The following TNFAIP8 variants were observed in gnomAD, a reference collection of about 807,000 sequenced individuals.
TNFAIP8 encodes the protein tumor necrosis factor alpha-induced protein 8.
Under a neutral mutation model 13.3 loss-of-function variants are expected in TNFAIP8, and 7 were observed. That is an observed-to-expected ratio of 0.52 (90% CI 0.30 to 0.99). The LOEUF (loss-of-function observed/expected upper bound fraction) is 0.99, where lower values mean the gene tolerates loss of function less well. Ranked by LOEUF, TNFAIP8 falls within the 50% of genes least tolerant of loss-of-function variation. The pLI is 0.07. For missense variants in TNFAIP8, 258 were observed against 236.9 expected (o/e 1.09, Z -0.58); for synonymous variants, 94 against 87.6 (o/e 1.07, Z -0.41).
chr5:119,356,443 G>A (rs188161165), intron 1 of TNFAIP8, among the ~76,000 whole-genome samples: 46 of 152,256 alleles, frequency 3.0e-4, no homozygotes, highest in Non-Finnish European at 1.8e-4. Context: ...CTTGGAAAAG[G>A]GCTGCCTGCC....
chr5:119,291,994 G>T (rs996661388), intron 1 of TNFAIP8, among the ~76,000 whole-genome samples: 1 of 152,166 alleles, frequency 6.6e-6, no homozygotes, highest in African/African-American at 2.4e-5. Flanking sequence ...GCAGAGAGGA[G>T]AAGTGAAGTC....
Position 119,398,224 on chromosome 5 carries a change from G to C in TNFAIP8, c.*4843G>C, listed in dbSNP as rs565393359. 2.9e-4 allele frequency: 44 copies of C among 152,246 alleles called. No individual in the cohort carries two copies. Among genetic ancestry groups the C allele is most frequent in the African/African-American group, 1.0e-3 (43 of 41,558 alleles). The allele number at this position is 152,246 out of a possible 1,614,324, so 9.4% of individuals were successfully genotyped here. A position where few individuals can be genotyped will look rare whatever the true frequency, so the allele number is the denominator to read the frequency against. ...ACATCAGCTGCATAACTGTATTTCT[G>C]CCTCGTGGAAATAAAGTAGATGATC... On this transcript the variant is annotated 3_prime_UTR_variant, in exon 2 of 2. Transcript: ENST00000504771.
rs1208717221 is a variant in TNFAIP8 at position 119,380,094 on chromosome 5, T to C, written c.32-12722T>C. Among the ~76,000 whole-genome samples, 5 of 152,356 alleles carry C rather than the reference T, an allele frequency of 3.3e-5. No individual in the cohort carries two copies. In the East Asian group the frequency reaches 9.6e-4, roughly 29 times the overall value. On this transcript the variant is annotated intron_variant, in intron 1 of 1. Transcript: ENST00000504771. ...GTAATGGGCCTCAGCTCTGCCACTG[T>C]TTATGCACCCTTAGATAAGTCACTT...
rs374322958 is a variant in TNFAIP8, at chr5:119,393,233, A to G, written c.449A>G (p.Lys150Arg). 171 of 1,613,946 alleles carry G rather than the reference A, an allele frequency of 1.1e-4. No individual in the cohort carries two copies. The highest frequency in any genetic ancestry group is 1.3e-4 in the Non-Finnish European group (157 of 1,179,908). Residue 150 changes from lysine to arginine, a missense_variant, in exon 2 of 2, where the codon AAG becomes AGG. Lys to Arg is a conservative substitution (Grantham distance 26). Transcript: ENST00000504771. ...ATCATTCAGCGCCACCTCACTGCCA[A>G]GTCACATGGACGGGTTAATAATGTG... ...HQIIQRHLTA[K>R]SHGRVNNVFD...
intron 1 of TNFAIP8, among the ~76,000 whole-genome samples, chr5:119,329,023 CTT>C (rs1750300711): frequency 6.6e-6 from 1 of 152,192 alleles, no homozygotes; most frequent in African/African-American, 2.4e-5. Context: ...TGAAGAGAGA[CTT>C]GAGCATGAAT....
intron 1 of TNFAIP8, among the ~76,000 whole-genome samples, chr5:119,365,008 C>T (rs773164404): frequency 2.6e-5 from 4 of 151,686 alleles, no homozygotes; most frequent in South Asian, 2.1e-4. Flanking sequence ...TTCACCACCA[C>T]GCCCAGCTAA....
chr5:119,356,332 G>A (rs980616935), intron 1 of TNFAIP8, among the ~76,000 whole-genome samples: 1 of 152,186 alleles, frequency 6.6e-6, no homozygotes, highest in South Asian at 2.1e-4. Context: ...GAGGGGAGGG[G>A]AGGAAAAGTC....
intron 1 of TNFAIP8, among the ~76,000 whole-genome samples, chr5:119,370,111 T>A (rs1056249668): frequency 6.6e-6 from 1 of 152,240 alleles, no homozygotes; most frequent in Admixed American, 6.5e-5. Context: ...TATTGTTTTT[T>A]AAATGGATTT....
rs190709056 is a variant in TNFAIP8, at chr5:119,397,405, C to T, written c.*4024C>T. ...ACTCCAGTAAAATGAATTAAATTAG[C>T]ATGTTAATAAGAGTGATAATATTTA... On this transcript the variant is annotated 3_prime_UTR_variant, in exon 2 of 2. Transcript: ENST00000504771. The T allele has an allele frequency of 2.0e-4, 31 of 152,244 alleles. No individual in the cohort carries two copies. Among genetic ancestry groups the T allele is most frequent in the Admixed American group, 2.0e-3 (30 of 15,290 alleles). The allele number at this position is 152,244 out of a possible 1,614,324, so 9.4% of individuals were successfully genotyped here. A position where few individuals can be genotyped will look rare whatever the true frequency, so the allele number is the denominator to read the frequency against.
Position 119,369,614 on chromosome 5 carries a change from A to AT in TNFAIP8, c.31+13499dup, listed in dbSNP as rs1456351809. Among the ~76,000 whole-genome samples the AT allele has an allele frequency of 3.3e-5, 5 of 152,230 alleles. No individual in the cohort carries two copies. The East Asian group carries it at 5.8e-4, about 18-fold the overall frequency. On this transcript the variant is annotated intron_variant, in intron 1 of 1. Coordinates refer to ENST00000504771, the MANE Select transcript of TNFAIP8 (RefSeq NM_014350.4). ...ATTCATAAATCATCCATACATTGAT[A>AT]TTTTTTGTGCCTCTGGCCTCATTGT...
At chr5:119,365,712 T>C (rs866950764) in intron 1 of TNFAIP8, among the ~76,000 whole-genome samples, 4 of 152,204 alleles carry the variant, frequency 2.6e-5, no homozygotes, top group Non-Finnish European at 5.9e-5. Context: ...TACAAAACCA[T>C]TTTCACCTTT....
chr5:119,372,322 C>CG (rs377431916), intron 1 of TNFAIP8, among the ~76,000 whole-genome samples: 2 of 112,146 alleles, frequency 1.8e-5, no homozygotes, highest in East Asian at 5.2e-4. Context: ...GACCCTGTCT[C>CG]AAAAAAAAAA....
At chr5:119,383,462 C>T (rs555547879) in intron 1 of TNFAIP8, among the ~76,000 whole-genome samples, 23 of 152,290 alleles carry the variant, frequency 1.5e-4, no homozygotes, top group African/African-American at 5.5e-4. Flanking sequence ...ACTGAAGGAT[C>T]CTTACTGATA....
chr5:119,384,290 G>A (rs1752592114), intron 1 of TNFAIP8, among the ~76,000 whole-genome samples: 2 of 152,152 alleles, frequency 1.3e-5, no homozygotes, highest in African/African-American at 4.8e-5. Flanking sequence ...TTCGAGACCA[G>A]CCTGGCCAAC....
chr5:119,342,652 C>T (rs1162907315), intron 1 of TNFAIP8, among the ~76,000 whole-genome samples: 1 of 152,232 alleles, frequency 6.6e-6, no homozygotes, highest in Non-Finnish European at 1.5e-5. Context: ...TGCAATTTGG[C>T]TGCTATCTCT....
intron 1 of TNFAIP8, among the ~76,000 whole-genome samples, chr5:119,373,429 AG>A (rs1580434575): frequency 6.6e-6 from 1 of 152,368 alleles, no homozygotes; most frequent in East Asian, 1.9e-4. Context: ...ACGTCAAGAC[AG>A]GCATACAACG....
intron 1 of TNFAIP8, among the ~76,000 whole-genome samples, chr5:119,273,056 T>C (rs566842101): frequency 6.6e-6 from 1 of 152,338 alleles, no homozygotes; most frequent in Non-Finnish European, 1.5e-5. Context: ...AAGATGACTT[T>C]AGTCAAGAAG....
chr5:119,294,126 A>G (rs1262282941), intron 1 of TNFAIP8, among the ~76,000 whole-genome samples: 1 of 151,888 alleles, frequency 6.6e-6, no homozygotes, highest in African/African-American at 2.4e-5. Context: ...TACATGTGCC[A>G]TGCTGGTGCG....
At chr5:119,293,602 G>A (rs192434649) in intron 1 of TNFAIP8, among the ~76,000 whole-genome samples, 1 of 152,246 alleles carries the variant, frequency 6.6e-6, no homozygotes, top group East Asian at 1.9e-4. Flanking sequence ...ATGAGGAAAT[G>A]TTCTAAAAAT....
Sources: gnomAD v4.1 joint callset for allele counts (sites outside exome capture counted in the v4.1 genomes callset) on GRCh38, gnomAD v4.1.1 for gene constraint, MANE v1.5 for transcripts, NCBI Gene and HGNC (gene_info 2026-07-23, HGNC 2026-07-21) for gene names.